Variants in XPR1 observed in about 807,000 individuals in gnomAD.
XPR1 encodes the protein xenotropic and polytropic retrovirus receptor 1.
Under a neutral mutation model 87.5 loss-of-function variants are expected in XPR1, and 28 were observed. That is an observed-to-expected ratio of 0.32 (90% CI 0.24 to 0.44). XPR1 has a LOEUF of 0.44. Ranked by LOEUF, XPR1 falls within the 20% of genes least tolerant of loss-of-function variation. The probability of loss-of-function intolerance (pLI) is 1.00; values close to 1 mark genes in which losing one functional copy is unlikely to be tolerated. For missense variants in XPR1, 559 were observed against 862.3 expected (o/e 0.65, Z 4.41); for synonymous variants, 300 against 306.1 (o/e 0.98, Z 0.21).
rs147802467 is a variant in XPR1, at chr1:180,815,808, A to G, written c.763+4320A>G. On this transcript the variant is annotated intron_variant, in intron 7 of 14. Coordinates refer to ENST00000367590, the MANE Select transcript of XPR1 (RefSeq NM_004736.4). ...AAATAGGCTCTGGTACACTAGTGGT[A>G]AGAGTACTCATTGTTGCTATCTCTT... 2.9e-3 allele frequency among the ~76,000 whole-genome samples: 440 copies of G among 152,298 alleles called. 3 individuals carry two copies. The highest frequency in any genetic ancestry group is 9.6e-3 in the African/African-American group (398 of 41,544).
chr1:180,652,794 C>G (rs1655339331), intron 1 of XPR1, among the ~76,000 whole-genome samples: 2 of 152,158 alleles, frequency 1.3e-5, no homozygotes, highest in African/African-American at 4.8e-5. Context: ...AGCAGATTAC[C>G]TCAAAACTTA....
At chr1:180,681,294 G>A (rs1656570918) in intron 1 of XPR1, among the ~76,000 whole-genome samples, 1 of 152,198 alleles carries the variant, frequency 6.6e-6, no homozygotes, top group Non-Finnish European at 1.5e-5. Flanking sequence ...TAGACCATAT[G>A]TATTGAAATA....
At chr1:180,749,895 A>C (rs774179052) in intron 2 of XPR1, among the ~76,000 whole-genome samples, 103 of 152,180 alleles carry the variant, frequency 6.8e-4, no homozygotes, top group Non-Finnish European at 1.4e-3. Context: ...CAGTATTAAA[A>C]ACATACCGTA....
At chr1:180,782,557 G>A (rs1254441275) in intron 2 of XPR1, among the ~76,000 whole-genome samples, 1 of 151,990 alleles carries the variant, frequency 6.6e-6, no homozygotes, top group East Asian at 1.9e-4. Context: ...ACATACGTGT[G>A]TGTTGGGCGG....
chr1:180,856,522 G>A (rs1452831682), intron 11 of XPR1, among the ~76,000 whole-genome samples: 1 of 152,078 alleles, frequency 6.6e-6, no homozygotes, highest in African/African-American at 2.4e-5. Context: ...CCTCCACCTC[G>A]ATGTTTCGTA....
intron 2 of XPR1, among the ~76,000 whole-genome samples, chr1:180,720,032 G>C (rs1323544756): frequency 6.6e-6 from 1 of 151,690 alleles, no homozygotes; most frequent in African/African-American, 2.4e-5. Context: ...TTTTTTCTTG[G>C]GGATTAGTAG....
intron 1 of XPR1, among the ~76,000 whole-genome samples, chr1:180,675,603 C>T (rs1016872039): frequency 6.6e-6 from 1 of 152,082 alleles, no homozygotes; most frequent in Non-Finnish European, 1.5e-5. Flanking sequence ...TGCTTTTAAT[C>T]CTTTGGAAAT....
At chr1:180,673,023 G>A (rs762331788) in intron 1 of XPR1, among the ~76,000 whole-genome samples, 18 of 152,058 alleles carry the variant, frequency 1.2e-4, no homozygotes, top group Non-Finnish European at 2.5e-4. Flanking sequence ...CTGTTGAAGC[G>A]AATGAGAGCA....
intron 2 of XPR1, among the ~76,000 whole-genome samples, chr1:180,683,132 C>T (rs577802474): frequency 2.1e-5 from 3 of 145,684 alleles, no homozygotes; most frequent in African/African-American, 7.6e-5. Context: ...CACCCCACAA[C>T]AGTCCCTGGT....
chr1:180,820,896 C>T (rs1043616088), intron 7 of XPR1, among the ~76,000 whole-genome samples: 4 of 151,980 alleles, frequency 2.6e-5, no homozygotes, highest in Non-Finnish European at 5.9e-5. Flanking sequence ...AGGTTCTTAG[C>T]CCTATTTTAA....
At position 180,813,622 on chromosome 1, in the gene XPR1, G is replaced by A. The variant is rs577638382; in HGVS notation, c.763+2134G>A. Among the ~76,000 whole-genome samples the A allele has an allele frequency of 5.9e-5, 9 of 152,248 alleles. No individual in the cohort carries two copies. The East Asian group carries it at 1.7e-3, about 29-fold the overall frequency. On this transcript the variant is annotated intron_variant, in intron 7 of 14. Coordinates refer to ENST00000367590, the MANE Select transcript of XPR1 (RefSeq NM_004736.4). ...TGGGGAAGTTTGGCTGGAAGAGAAGGAGAAAGATGAAATTAAATGATATTT... is the reference window on the plus strand; with the variant it reads ...TGGGGAAGTTTGGCTGGAAGAGAAGAAGAAAGATGAAATTAAATGATATTT...
Position 180,888,971 on chromosome 1 carries a change from G to A in XPR1, c.*4905G>A, listed in dbSNP as rs1352031418. On this transcript the variant is annotated 3_prime_UTR_variant, in exon 15 of 15. Transcript: ENST00000367590. The stretch of plus-strand genomic sequence containing the variant: ...GGTAGTCCATACAGGAAGTTTGCCT[G>A]AGAACAGAGAGGAGCCTGTTGATTG... 6.6e-6 allele frequency: 1 copy of A among 152,240 alleles called. No individual in the cohort carries two copies. The highest frequency in any genetic ancestry group is 1.9e-4 in the East Asian group (1 of 5,194). The allele number at this position is 152,240 out of a possible 1,614,324, so 9.4% of individuals were successfully genotyped here. A position where few individuals can be genotyped will look rare whatever the true frequency, so the allele number is the denominator to read the frequency against.
rs1225099429 is a variant in XPR1, at chr1:180,884,208, A to G, written c.*142A>G. On this transcript the variant is annotated 3_prime_UTR_variant, in exon 15 of 15. Transcript: ENST00000367590. ...TCCGAGCTCTTCCGGATCGGATCCT[A>G]TGGACTCCAAACAAGCTCACTGTGT... The G allele has an allele frequency of 1.8e-5, 10 of 570,998 alleles. No homozygotes were observed. The highest frequency in any genetic ancestry group is 7.1e-5 in the Admixed American group (2 of 28,024). The allele number at this position is 570,998 out of a possible 1,614,324, so 35.4% of individuals were successfully genotyped here.
At chr1:180,877,040 CATTTTT>C (rs1652687304) in intron 13 of XPR1, among the ~76,000 whole-genome samples, 1 of 152,144 alleles carries the variant, frequency 6.6e-6, no homozygotes, top group Admixed American at 6.5e-5. Flanking sequence ...ATAAATCAGT[CATTTTT>C]AAAAACAGTC....
At chr1:180,846,268 A>AG (rs1294090410) in intron 11 of XPR1, among the ~76,000 whole-genome samples, 2 of 151,604 alleles carry the variant, frequency 1.3e-5, no homozygotes, top group African/African-American at 4.8e-5. Context: ...TCTCAAAAAA[A>AG]AAAAAAAAAT....
chr1:180,703,662 T>A (rs977248607), intron 2 of XPR1, among the ~76,000 whole-genome samples: 1 of 152,176 alleles, frequency 6.6e-6, no homozygotes, highest in African/African-American at 2.4e-5. Flanking sequence ...GTTTTATGTG[T>A]ATTTTAAGAT....
chr1:180,804,173 A>T (rs1649899716), intron 4 of XPR1, among the ~76,000 whole-genome samples: 1 of 152,016 alleles, frequency 6.6e-6, no homozygotes. Context: ...TTTAGTAGAG[A>T]TGGGGTTTTA....
rs569683868 is a variant in XPR1 at position 180,834,602 on chromosome 1, CA to C, written c.1135-269del. ...TCCCTTAACAATATTTGGATTTTTG[CA>C]AAGAATTAGCAGCATCCATGCTGTT... On this transcript the variant is annotated intron_variant, in intron 9 of 14. Transcript: ENST00000367590. Among the ~76,000 whole-genome samples, 826 of 152,260 alleles carry C rather than the reference CA, an allele frequency of 5.4e-3. 6 individuals are homozygous for C. Among genetic ancestry groups the C allele is most frequent in the Non-Finnish European group, 8.7e-3 (589 of 68,004 alleles).
At chr1:180,698,196 T>A (rs1484970827) in intron 2 of XPR1, among the ~76,000 whole-genome samples, 1 of 152,172 alleles carries the variant, frequency 6.6e-6, no homozygotes, top group East Asian at 1.9e-4. Flanking sequence ...TGACCTTCTT[T>A]GTCTCATTTT....
Sources: allele counts gnomAD v4.1 joint callset (sites outside exome capture counted in the v4.1 genomes callset), GRCh38; gene constraint gnomAD v4.1.1; transcripts MANE v1.5; gene names NCBI Gene and HGNC (gene_info 2026-07-23, HGNC 2026-07-21).